Variants in FAM228B observed in about 807,000 individuals in gnomAD.
FAM228B encodes protein FAM228B.
A neutral mutation model predicts 42.6 loss-of-function variants in FAM228B; 38 were observed. The observed-to-expected ratio is 0.89, with a 90% CI of 0.69 to 1.17. FAM228B has a LOEUF of 1.17. FAM228B is among the 50% of genes most tolerant of loss of function. The pLI is 0.00. For missense variants in FAM228B, 344 were observed against 367.3 expected, an observed-to-expected ratio of 0.94 and a Z score of 0.52; for synonymous variants, 109 against 122.3, an observed-to-expected ratio of 0.89 and a Z score of 0.72.
At chr2:24,083,897 G>T (rs575967554) in intron 2 of FAM228B, among the ~76,000 whole-genome samples, 32 of 152,254 alleles carry the variant, frequency 2.1e-4, no homozygotes, top group African/African-American at 7.7e-4. Context: ...TGGCGAACAG[G>T]GTAGCCTGGG....
chr2:24,116,238 G>T (rs747837461), intron 3 of FAM228B, among the ~76,000 whole-genome samples: 1 of 151,942 alleles, frequency 6.6e-6, no homozygotes, highest in Non-Finnish European at 1.5e-5. Flanking sequence ...TGAGGCAGGA[G>T]AATTGCTTGA....
chr2:24,132,464 G>GATT (rs1553330887), intron 2 of FAM228B, among the ~76,000 whole-genome samples: 2 of 56,006 alleles, frequency 3.6e-5, no homozygotes, highest in Admixed American at 4.2e-4. Flanking sequence ...TCCTGGGATT[G>GATT]TTTTTTTTTT....
chr2:24,122,349 T>C, upstream of FAM228B: 1 of 1,165,696 alleles, frequency 8.6e-7, no homozygotes, highest in Non-Finnish European at 1.3e-6. Context: ...AAGTCATGTC[T>C]GCTTCATTTT....
intron 3 of FAM228B, among the ~76,000 whole-genome samples, chr2:24,136,560 A>G (rs769517245): frequency 6.6e-6 from 1 of 151,952 alleles, no homozygotes; most frequent in Non-Finnish European, 1.5e-5. Flanking sequence ...ACGGAGTCTG[A>G]CTATTTTCCC....
intron 2 of FAM228B, among the ~76,000 whole-genome samples, chr2:24,094,524 G>A (rs1202056064): frequency 1.3e-5 from 2 of 151,942 alleles, no homozygotes; most frequent in Non-Finnish European, 2.9e-5. Flanking sequence ...TTGTTCTGTT[G>A]CTGAGGCCGG....
chr2:24,127,092 G>A (rs1666331311), intron 2 of FAM228B, among the ~76,000 whole-genome samples: 1 of 151,786 alleles, frequency 6.6e-6, no homozygotes, highest in Non-Finnish European at 1.5e-5. Flanking sequence ...ACACCTTTTA[G>A]CAGTCACCCC....
chr2:24,144,377 C>T (rs189548597), intron 5 of FAM228B, among the ~76,000 whole-genome samples: 37 of 152,260 alleles, frequency 2.4e-4, no homozygotes, highest in African/African-American at 8.2e-4. Flanking sequence ...GTTGAAGCTG[C>T]GGTGAGCCAC....
At chr2:24,134,049 A>G (rs1207530330) in intron 2 of FAM228B, among the ~76,000 whole-genome samples, 1 of 152,226 alleles carries the variant, frequency 6.6e-6, no homozygotes, top group East Asian at 1.9e-4. Context: ...TAATTTGTCA[A>G]TTGTCATGGA....
intron 10 of FAM228B, among the ~76,000 whole-genome samples, chr2:24,168,825 C>G (rs898379595): frequency 6.6e-6 from 1 of 152,026 alleles, no homozygotes; most frequent in Non-Finnish European, 1.5e-5. Context: ...ACAGGACACT[C>G]TATCCATTGT....
In FAM228B at chr2:24,099,870, A is replaced by G. The variant is rs1161864422; in HGVS notation, c.-121+4641A>G. Among the ~76,000 whole-genome samples, 12 of 152,348 alleles carry G rather than the reference A, an allele frequency of 7.9e-5. 1 individual carries two copies. Among genetic ancestry groups the G allele is most frequent in the African/African-American group, 2.2e-4 (9 of 41,590 alleles). On this transcript the variant is annotated intron_variant, in intron 3 of 10. Transcript: ENST00000613899. ...ATCAAGCTACCTGACTTCAAACTAT[A>G]CTACAAGGCTACAGTAACCAAAACA... is the stretch of plus-strand genomic sequence containing the variant.
chr2:24,101,045 T>C (rs1224067580), intron 3 of FAM228B, among the ~76,000 whole-genome samples: 3 of 152,082 alleles, frequency 2.0e-5, no homozygotes. Flanking sequence ...TTTTCACTCA[T>C]AGGTGGGAAT....
rs752742554 is a variant in FAM228B, at chr2:24,079,456, A to G, written c.-289-1420A>G. ...ATTCATCACTCACCTTATTGTCCCTAGACCTCAGCAAACTGGTGATCAGAC... is the reference window on the plus strand; with the variant it reads ...ATTCATCACTCACCTTATTGTCCCTGGACCTCAGCAAACTGGTGATCAGAC... On this transcript the variant is annotated intron_variant, in intron 1 of 10. Transcript: ENST00000613899. The G allele has an allele frequency of 6.8e-6, 11 of 1,614,070 alleles. No homozygotes were observed. In the Admixed American group the frequency reaches 1.8e-4, roughly 27 times the overall value.
chr2:24,077,578 T>C lies in FAM228B; in HGVS notation c.-290+609T>C. ...CGCGTCCTGTCCTGCCCCATCCTCC[T>C]TCACTGGGGCAGTTCCAGGACGATC... On this transcript the variant is annotated intron_variant, in intron 1 of 10. Transcript: ENST00000613899. The surrounding 1 kb of genome is among the most constrained non-coding windows in gnomAD (Gnocchi z 5.5). 1 of 1,527,098 alleles carries C rather than the reference T, an allele frequency of 6.5e-7. No homozygotes were observed. Among genetic ancestry groups the C allele is most frequent in the South Asian group, 1.1e-5 (1 of 89,918 alleles). The allele number at this position is 1,527,098 out of a possible 1,614,324, so 94.6% of individuals were successfully genotyped here.
At chr2:24,082,314 C>T (rs991153008) in intron 2 of FAM228B, among the ~76,000 whole-genome samples, 1 of 152,284 alleles carries the variant, frequency 6.6e-6, no homozygotes, top group South Asian at 2.1e-4. Context: ...CTTGGCATGC[C>T]TTATGTCCTT....
In FAM228B at chr2:24,084,058, G is replaced by A; in HGVS notation, c.-210+3103G>A. 13 of 1,382,964 alleles carry A rather than the reference G, an allele frequency of 9.4e-6. No homozygotes were observed. Among genetic ancestry groups the A allele is most frequent in the Non-Finnish European group, 1.1e-5 (12 of 1,052,084 alleles). The allele number at this position is 1,382,964 out of a possible 1,614,324, so 85.7% of individuals were successfully genotyped here. A position where few individuals can be genotyped will look rare whatever the true frequency, so the allele number is the denominator to read the frequency against. ...GAGGGCGCCCTGGGTTTAGGTCTGG[G>A]AAGCCCCAGCGCAGCTGCCTGCTGG... On this transcript the variant is annotated intron_variant, in intron 2 of 10. Coordinates refer to the FAM228B transcript ENST00000613899. The surrounding 1 kb of genome is among the most constrained non-coding windows in gnomAD (Gnocchi z 8.4).
At chr2:24,154,913 A>T (rs1242118210) in intron 7 of FAM228B, among the ~76,000 whole-genome samples, 5 of 152,204 alleles carry the variant, frequency 3.3e-5, no homozygotes, top group South Asian at 2.1e-4. Flanking sequence ...TGTTATTTTT[A>T]AAAAGTGGCC....
intron 4 of FAM228B, 35 bp downstream of exon 4, chr2:24,138,135 A>T (rs1191188341): frequency 2.8e-6 from 4 of 1,429,624 alleles, no homozygotes; most frequent in Non-Finnish European, 3.8e-6. Flanking sequence ...TTTTCAGTTG[A>T]TTTAGACCTA....
Position 24,157,808 on chromosome 2 carries a change from C to G in FAM228B, c.687-3698C>G, listed in dbSNP as rs894638233. The stretch of plus-strand genomic sequence containing the variant: ...AAGTCAGAATCTCTGAGGGTGGGAC[C>G]TACACATCAGTCTTTTTTCAAGATC... On this transcript the variant is annotated intron_variant, in intron 7 of 10. Transcript: ENST00000615575. Among the ~76,000 whole-genome samples the G allele has an allele frequency of 2.6e-5, 4 of 152,180 alleles. No individual in the cohort carries two copies. The East Asian group carries it at 7.7e-4, about 29-fold the overall frequency.
rs61741427 is a variant in FAM228B, at chr2:24,083,072, C to T, written c.-210+2117C>T. 7.0e-4 allele frequency: 1,132 copies of T among 1,614,146 alleles called. 10 individuals are homozygous for T. The African/African-American group carries it at 0.013, about 18-fold the overall frequency. On this transcript the variant is annotated intron_variant, in intron 2 of 10. Coordinates refer to the FAM228B transcript ENST00000613899. ...TCTTCCAGTGTCCCTGGCAGCCAGG[C>T]CCCAGCTCTGCCACATGTCCAGATG...
Sources: allele counts gnomAD v4.1 joint callset (sites outside exome capture counted in the v4.1 genomes callset), GRCh38; gene constraint gnomAD v4.1.1; non-coding constraint Gnocchi (gnomAD v3.1); transcripts MANE v1.5; gene names NCBI Gene and HGNC (gene_info 2026-07-23, HGNC 2026-07-21).